PTPRZ1: variants seen among roughly 807,000 people sequenced by gnomAD.
The protein encoded by PTPRZ1 is protein tyrosine phosphatase receptor type Z1, also known as receptor-type tyrosine-protein phosphatase zeta.
In PTPRZ1, 82 loss-of-function variants were observed where a neutral mutation model predicts 214.1. The observed-to-expected ratio is 0.38, with a 90% CI of 0.32 to 0.46. The LOEUF (loss-of-function observed/expected upper bound fraction) is 0.46, where lower values mean the gene tolerates loss of function less well. Ranked by LOEUF, PTPRZ1 falls within the 20% of genes least tolerant of loss-of-function variation. PTPRZ1 has a pLI of 1.00. For missense variants in PTPRZ1, 2,603 were observed against 2,748.7 expected (o/e 0.95, Z 1.19); for synonymous variants, 945 against 987.9 (o/e 0.96, Z 0.81).
intron 6 of PTPRZ1, among the ~76,000 whole-genome samples, chr7:121,982,089 A>G (rs1413963727): frequency 6.6e-6 from 1 of 152,194 alleles, no homozygotes; most frequent in Admixed American, 6.5e-5. Flanking sequence ...TGAAGTAGGG[A>G]ATCAAGATTC....
intron 10 of PTPRZ1, among the ~76,000 whole-genome samples, chr7:121,999,092 T>A (rs1161085187): frequency 6.6e-6 from 1 of 152,132 alleles, no homozygotes. Flanking sequence ...TCAGATATTA[T>A]AGTATGCATC....
chr7:121,873,578 GGGGTTTCAGCTCCGGGATCGGTGGGATGA>G, intron 1 of PTPRZ1, 21 bp downstream of exon 1: 1 of 1,613,182 alleles, frequency 6.2e-7, no homozygotes, highest in Non-Finnish European at 8.5e-7. Flanking sequence ...AGAGCTCGGT[GGGGTTTCAGCTCCGGGATCGGTGGGATGA>G]GGGTGGGAGC....
chr7:121,894,645 A>G (rs1794733003), intron 1 of PTPRZ1, among the ~76,000 whole-genome samples: 1 of 152,180 alleles, frequency 6.6e-6, no homozygotes, highest in Non-Finnish European at 1.5e-5. Context: ...AGATCAAGCA[A>G]TCTGCCCACT....
chr7:122,037,135 C>T (rs1463653007), intron 18 of PTPRZ1, among the ~76,000 whole-genome samples: 6 of 152,020 alleles, frequency 3.9e-5, no homozygotes, highest in Non-Finnish European at 7.4e-5. Flanking sequence ...ATTAGCTGGG[C>T]GTTGTGGCGG....
At chr7:122,004,250 ACT>A (rs754715334) in intron 10 of PTPRZ1, among the ~76,000 whole-genome samples, 1 of 152,110 alleles carries the variant, frequency 6.6e-6, no homozygotes, top group Non-Finnish European at 1.5e-5. Context: ...GGATGAAATA[ACT>A]CTGTACTGAT....
At chr7:121,978,914 C>T (rs1473981766) in intron 6 of PTPRZ1, among the ~76,000 whole-genome samples, 1 of 152,112 alleles carries the variant, frequency 6.6e-6, no homozygotes. Context: ...AAATCCCCTA[C>T]TGCCCAATAA....
chr7:121,972,399 G>C, intron 3 of PTPRZ1, 142 bp from the exon 4 acceptor site: 1 of 792,836 alleles, frequency 1.3e-6, no homozygotes, highest in Non-Finnish European at 1.9e-6. Context: ...ACAAAGTTTG[G>C]CTTCCAAAAT....
intron 2 of PTPRZ1, among the ~76,000 whole-genome samples, chr7:121,960,914 G>T (rs1161561611): frequency 2.0e-5 from 3 of 151,890 alleles, no homozygotes; most frequent in African/African-American, 7.3e-5. Flanking sequence ...ACATTAAAGG[G>T]TGCTAACTAC....
chr7:121,968,678 T>G (rs10280935), intron 3 of PTPRZ1, among the ~76,000 whole-genome samples: 43,045 of 151,142 alleles, frequency 0.28, 6,370 homozygotes, highest in South Asian at 0.36. Flanking sequence ...ACATTAAAAT[T>G]TAAGTACAAA....
chr7:121,944,927 C>T (rs866907992), intron 2 of PTPRZ1, among the ~76,000 whole-genome samples: 7 of 152,280 alleles, frequency 4.6e-5, no homozygotes, highest in South Asian at 2.1e-4. Flanking sequence ...ACAGCGCAAG[C>T]CACCATACCC....
At chr7:121,980,099 A>G (rs148279862) in intron 6 of PTPRZ1, among the ~76,000 whole-genome samples, 243 of 152,018 alleles carry the variant, frequency 1.6e-3, no homozygotes, top group African/African-American at 5.5e-3. Context: ...TTTCCCAATA[A>G]TAGGAAAATT....
Position 121,882,682 on chromosome 7 carries a change from A to G in PTPRZ1, c.58+9125A>G, listed in dbSNP as rs56329500. ...GAATAGATCTCTTTATTTCAGGAAG[A>G]TAACTCAGGTATCAGAGCATAGGAT... is the stretch of plus-strand genomic sequence containing the variant. On this transcript the variant is annotated intron_variant, in intron 1 of 29. Coordinates refer to ENST00000393386, the MANE Select transcript of PTPRZ1 (RefSeq NM_002851.3). Among the ~76,000 whole-genome samples, 636 of 152,314 alleles carry G rather than the reference A, an allele frequency of 4.2e-3. 5 individuals are homozygous for G. Among genetic ancestry groups the G allele is most frequent in the African/African-American group, 0.015 (603 of 41,564 alleles).
intron 1 of PTPRZ1, 121 bp downstream of exon 1, chr7:121,873,678 A>T: frequency 8.1e-7 from 1 of 1,238,888 alleles, no homozygotes; most frequent in Non-Finnish European, 1.1e-6. Context: ...AAAAAGGGAC[A>T]GCCAACTGGG....
At chr7:121,893,652 A>C (rs75081243) in intron 1 of PTPRZ1, among the ~76,000 whole-genome samples, 4,874 of 152,320 alleles carry the variant, frequency 0.032, 107 homozygotes, top group Middle Eastern at 0.054. Context: ...CTGTAGAAAA[A>C]GGGGGAAATG....
In PTPRZ1 at chr7:122,061,759, A is replaced by G. The variant is rs1157152273; in HGVS notation, c.*539A>G. ...ACCAAATTTATATTTATAATTGTAG[A>G]TTTTTATATTTTACTACTGAGTCAA... is the stretch of plus-strand genomic sequence containing the variant. On this transcript the variant is annotated 3_prime_UTR_variant, in exon 30 of 30. Coordinates refer to ENST00000393386, the MANE Select transcript of PTPRZ1 (RefSeq NM_002851.3). 1 of 152,530 alleles carries G rather than the reference A, an allele frequency of 6.6e-6. No homozygotes were observed. Among genetic ancestry groups the G allele is most frequent in the Non-Finnish European group, 1.5e-5 (1 of 68,014 alleles). 9.4% of individuals were successfully genotyped at this position (152,530 alleles called of 1,614,324 possible). A position where few individuals can be genotyped will look rare whatever the true frequency, so the allele number is the denominator to read the frequency against.
chr7:122,003,303 G>C (rs1333679947), intron 10 of PTPRZ1, among the ~76,000 whole-genome samples: 1 of 152,174 alleles, frequency 6.6e-6, no homozygotes, highest in East Asian at 1.9e-4. Context: ...TTTCTAGTGA[G>C]TACTTTCCTT....
chr7:122,053,704 T>C (rs966332518), intron 25 of PTPRZ1, among the ~76,000 whole-genome samples: 1 of 151,974 alleles, frequency 6.6e-6, no homozygotes, highest in Non-Finnish European at 1.5e-5. Context: ...GAACAAACGA[T>C]TTAAGAGAAA....
intron 1 of PTPRZ1, among the ~76,000 whole-genome samples, chr7:121,917,423 T>C (rs1329507550): frequency 6.6e-6 from 1 of 152,124 alleles, no homozygotes; most frequent in African/African-American, 2.4e-5. Context: ...CACTTCAGAC[T>C]AAGAATCAGA....
At chr7:121,882,332 T>C (rs1251856885) in intron 1 of PTPRZ1, among the ~76,000 whole-genome samples, 5 of 152,214 alleles carry the variant, frequency 3.3e-5, no homozygotes, top group Admixed American at 2.0e-4. Flanking sequence ...TGTGGAGATA[T>C]ATTTAGTCTT....
Sources: allele counts gnomAD v4.1 joint callset (sites outside exome capture counted in the v4.1 genomes callset), GRCh38; gene constraint gnomAD v4.1.1; transcripts MANE v1.5; gene names NCBI Gene and HGNC (gene_info 2026-07-23, HGNC 2026-07-21).